The following LRRC58 variants were observed in gnomAD, a reference collection of about 807,000 sequenced individuals.
LRRC58 encodes the protein leucine rich repeat containing 58.
In LRRC58, 18 loss-of-function variants were observed where a neutral mutation model predicts 30.6. That is an observed-to-expected ratio of 0.59 (90% CI 0.41 to 0.87). The LOEUF is 0.87. LRRC58 is among the 40% of genes least tolerant of loss of function. The probability of loss-of-function intolerance (pLI) is 0.00; values close to 1 mark genes in which losing one functional copy is unlikely to be tolerated. For missense variants in LRRC58, 420 were observed against 468.4 expected, an observed-to-expected ratio of 0.90 and a Z score of 0.95; for synonymous variants, 221 against 206.0, an observed-to-expected ratio of 1.07 and a Z score of -0.62.
chr3:120,337,224 A>G (rs1576182677), intron 1 of LRRC58, among the ~76,000 whole-genome samples: 1 of 152,350 alleles, frequency 6.6e-6, no homozygotes, highest in Middle Eastern at 3.4e-3. Context: ...TTACAAATCC[A>G]TAATTAGCAT....
intron 3 of LRRC58, among the ~76,000 whole-genome samples, chr3:120,333,368 G>A (rs1935786543): frequency 6.6e-6 from 1 of 152,216 alleles, no homozygotes; most frequent in South Asian, 2.1e-4. Context: ...TGTGAATGCT[G>A]CCCTATGTGT....
chr3:120,334,716 A>T (rs906281806), intron 3 of LRRC58, 146 bp downstream of exon 3: 3 of 794,360 alleles, frequency 3.8e-6, no homozygotes, highest in East Asian at 2.8e-5. Context: ...AGAATTTTTT[A>T]AAAAACCCAG....
rs796116731 is a variant in LRRC58 at position 120,347,379 on chromosome 3, C to CTTTTTTTTTTTTTTTTTTTTTTTTTTTT, written c.500+1364_500+1365insAAAAAAAAAAAAAAAAAAAAAAAAAAAA. ...AGTTCTTTTTTCCCAGGCCAATATT[C>CTTTTTTTTTTTTTTTTTTTTTTTTTTTT]TTTTTTTTTTTTTTTTTTTTTTTGA... is the stretch of plus-strand genomic sequence containing the variant. On this transcript the variant is annotated intron_variant, in intron 1 of 3. Coordinates refer to ENST00000295628, the MANE Select transcript of LRRC58 (RefSeq NM_001099678.2). Among the ~76,000 whole-genome samples the CTTTTTTTTTTTTTTTTTTTTTTTTTTTT allele has an allele frequency of 3.5e-4, 19 of 54,850 alleles. 3 individuals are homozygous for CTTTTTTTTTTTTTTTTTTTTTTTTTTTT. Among genetic ancestry groups the CTTTTTTTTTTTTTTTTTTTTTTTTTTTT allele is most frequent in the African/African-American group, 4.0e-4 (6 of 15,168 alleles). The allele number at this position is 54,850 out of a possible 152,430, so 36.0% of individuals were successfully genotyped here.
At chr3:120,337,235 A>G (rs1242479490) in intron 1 of LRRC58, among the ~76,000 whole-genome samples, 1 of 152,256 alleles carries the variant, frequency 6.6e-6, no homozygotes, top group African/African-American at 2.4e-5. Flanking sequence ...TAATTAGCAT[A>G]TAAGAGCACT....
chr3:120,344,674 A>C (rs1935945467), intron 1 of LRRC58, among the ~76,000 whole-genome samples: 1 of 152,230 alleles, frequency 6.6e-6, no homozygotes, highest in Non-Finnish European at 1.5e-5. Flanking sequence ...GAAGAGTACC[A>C]ATGAAACTCA....
At chr3:120,343,985 G>A (rs909556640) in intron 1 of LRRC58, among the ~76,000 whole-genome samples, 10 of 152,146 alleles carry the variant, frequency 6.6e-5, no homozygotes, top group African/African-American at 2.4e-4. Context: ...GCTGCAGTGA[G>A]GTGAGATCGT....
rs544522359 is a variant in LRRC58, at chr3:120,328,621, G to C, written c.*2579C>G. 7 of 152,286 alleles carry C rather than the reference G, an allele frequency of 4.6e-5. No homozygotes were observed. The East Asian group carries it at 1.3e-3, about 29-fold the overall frequency. The allele number at this position is 152,286 out of a possible 1,614,324, so 9.4% of individuals were successfully genotyped here. ...CTAAAGAGACAGACTTATTTTAAAT[G>C]CATAGTTAGCTACATGACTTGGGAG... On this transcript the variant is annotated 3_prime_UTR_variant, in exon 4 of 4. Transcript: ENST00000295628.
At chr3:120,348,595 G>C in intron 1 of LRRC58, 149 bp downstream of exon 1, 2 of 885,388 alleles carry the variant, frequency 2.3e-6, no homozygotes, top group Non-Finnish European at 3.2e-6. Context: ...ACAACTTGCT[G>C]AGATGGTTGG....
intron 1 of LRRC58, among the ~76,000 whole-genome samples, chr3:120,336,993 A>G (rs1253433815): frequency 6.6e-6 from 1 of 151,710 alleles, no homozygotes; most frequent in African/African-American, 2.4e-5. Context: ...TGTTTTTTCA[A>G]AACACCTTTA....
rs1334920211 is a variant in LRRC58 at position 120,325,828 on chromosome 3, C to G, written c.*5372G>C. 3.3e-5 allele frequency: 5 copies of G among 152,126 alleles called. No individual in the cohort carries two copies. Among genetic ancestry groups the G allele is most frequent in the Admixed American group, 3.3e-4 (5 of 15,286 alleles). 9.4% of individuals were successfully genotyped at this position (152,126 alleles called of 1,614,324 possible). On this transcript the variant is annotated 3_prime_UTR_variant, in exon 4 of 4. Coordinates refer to ENST00000295628, the MANE Select transcript of LRRC58 (RefSeq NM_001099678.2). ...GATAAATTTTTTAAATAATATATAA[C>G]AGAACATATCTTTTCAGTGATTTTA...
chr3:120,338,461 GAC>G, intron 1 of LRRC58, among the ~76,000 whole-genome samples: 1 of 152,174 alleles, frequency 6.6e-6, no homozygotes, highest in East Asian at 1.9e-4. Context: ...TGAGAAGACA[GAC>G]AATAAATCAA....
intron 3 of LRRC58, among the ~76,000 whole-genome samples, chr3:120,333,067 G>A (rs1386093179): frequency 1.3e-5 from 2 of 149,320 alleles, no homozygotes; most frequent in Non-Finnish European, 3.0e-5. Context: ...ACTCCAGCCT[G>A]GGCAATACAG....
chr3:120,329,704 A>G lies in LRRC58; in HGVS notation c.*1496T>C, dbSNP rs567612427. ...TAAGAAATGGTGTGCCATGAATGCCAGAAATCAGAAAAGGTACACCTGATG... is the reference window on the plus strand; with the variant it reads ...TAAGAAATGGTGTGCCATGAATGCCGGAAATCAGAAAAGGTACACCTGATG... On this transcript the variant is annotated 3_prime_UTR_variant, in exon 4 of 4. Coordinates refer to ENST00000295628, the MANE Select transcript of LRRC58 (RefSeq NM_001099678.2). The G allele has an allele frequency of 1.6e-5, 1 of 61,308 alleles. No homozygotes were observed. The highest frequency in any genetic ancestry group is 1.2e-4 in the African/African-American group (1 of 8,548). 3.8% of individuals were successfully genotyped at this position (61,308 alleles called of 1,614,324 possible). A position where few individuals can be genotyped will look rare whatever the true frequency, so the allele number is the denominator to read the frequency against.
chr3:120,327,065 C>T lies in LRRC58; in HGVS notation c.*4135G>A, dbSNP rs1224390855. On this transcript the variant is annotated 3_prime_UTR_variant, in exon 4 of 4. Transcript: ENST00000295628. ...GCCCTTAATTACGGAGGGATATGGA[C>T]AATCTCCCAATAGCAAACACTGAAC... 6.6e-6 allele frequency: 1 copy of T among 152,106 alleles called. No homozygotes were observed. Among genetic ancestry groups the T allele is most frequent in the East Asian group, 1.9e-4 (1 of 5,198 alleles). The allele number at this position is 152,106 out of a possible 1,614,324, so 9.4% of individuals were successfully genotyped here. A position where few individuals can be genotyped will look rare whatever the true frequency, so the allele number is the denominator to read the frequency against.
chr3:120,346,380 C>G (rs1438286250), intron 1 of LRRC58, among the ~76,000 whole-genome samples: 1 of 152,224 alleles, frequency 6.6e-6, no homozygotes, highest in Non-Finnish European at 1.5e-5. Context: ...TTTGGAGTCA[C>G]AGACCACAGA....
chr3:120,324,899 C>T lies in LRRC58; in HGVS notation c.*6301G>A, dbSNP rs1935652942. 6.6e-6 allele frequency: 1 copy of T among 152,044 alleles called. No homozygotes were observed. Among genetic ancestry groups the T allele is most frequent in the African/African-American group, 2.4e-5 (1 of 41,374 alleles). 9.4% of individuals were successfully genotyped at this position (152,044 alleles called of 1,614,324 possible). ...TATTTATCTATAGATGTAGATATTC[C>T]TAATTTGCAAGATTTCAAATACAGA... On this transcript the variant is annotated 3_prime_UTR_variant, in exon 4 of 4. Transcript: ENST00000295628.
rs182816221 is a variant in LRRC58, at chr3:120,330,985, T to C, written c.*215A>G. 8.3e-5 allele frequency: 45 copies of C among 540,298 alleles called. No homozygotes were observed. Among genetic ancestry groups the C allele is most frequent in the African/African-American group, 7.7e-4 (41 of 52,970 alleles). 33.5% of individuals were successfully genotyped at this position (540,298 alleles called of 1,614,324 possible). A position where few individuals can be genotyped will look rare whatever the true frequency, so the allele number is the denominator to read the frequency against. On this transcript the variant is annotated 3_prime_UTR_variant, in exon 4 of 4. Coordinates refer to ENST00000295628, the MANE Select transcript of LRRC58 (RefSeq NM_001099678.2). Reference sequence around the variant, plus strand: ...GCAAACCATCAGCCAAATGTGAAACTATCATTCACAAATTATGTTAAAATA... The same window carrying C: ...GCAAACCATCAGCCAAATGTGAAACCATCATTCACAAATTATGTTAAAATA...
chr3:120,342,685 CCTTCA>C (rs1235504326), intron 1 of LRRC58, among the ~76,000 whole-genome samples: 2 of 152,188 alleles, frequency 1.3e-5, no homozygotes, highest in African/African-American at 2.4e-5. Flanking sequence ...TCTTCTTCAC[CCTTCA>C]CTTGTCTGTG....
Position 120,328,927 on chromosome 3 carries a change from T to C in LRRC58, c.*2273A>G, listed in dbSNP as rs557320462. 3.9e-5 allele frequency: 6 copies of C among 152,338 alleles called. No homozygotes were observed. Among genetic ancestry groups the C allele is most frequent in the Non-Finnish European group, 7.4e-5 (5 of 68,002 alleles). 9.4% of individuals were successfully genotyped at this position (152,338 alleles called of 1,614,324 possible). A position where few individuals can be genotyped will look rare whatever the true frequency, so the allele number is the denominator to read the frequency against. ...ATTTTGTTGAAATAATACTGTGGTA[T>C]ACATCTATATTCTTATATGCAAAGG... On this transcript the variant is annotated 3_prime_UTR_variant, in exon 4 of 4. Transcript: ENST00000295628.
Sources: allele counts gnomAD v4.1 joint callset (sites outside exome capture counted in the v4.1 genomes callset), GRCh38; gene constraint gnomAD v4.1.1; transcripts MANE v1.5; gene names NCBI Gene and HGNC (gene_info 2026-07-23, HGNC 2026-07-21).